Variants in ROR2 observed in about 807,000 individuals in gnomAD.
The protein encoded by ROR2 is tyrosine-protein kinase transmembrane receptor ROR2.
ROR2 carries 33 observed loss-of-function variants against 74.9 expected under a neutral mutation model. The ratio of observed to expected loss-of-function variants is 0.44; its 90% CI spans 0.33 to 0.59. The LOEUF is 0.59. ROR2 is among the 20% of genes least tolerant of loss of function. ROR2 has a pLI of 0.02. For missense variants in ROR2, 1,216 were observed against 1,313.8 expected (o/e 0.93, Z 1.15); for synonymous variants, 586 against 558.7 (o/e 1.05, Z -0.69).
intron 1 of ROR2, among the ~76,000 whole-genome samples, chr9:91,829,653 G>C (rs1277006207): frequency 6.6e-6 from 1 of 150,930 alleles, no homozygotes; most frequent in East Asian, 2.0e-4. Context: ...GGGAAAGAAA[G>C]TTGTAAATAA....
chr9:91,904,714 T>G (rs1231628621), intron 1 of ROR2, among the ~76,000 whole-genome samples: 1 of 152,176 alleles, frequency 6.6e-6, no homozygotes, highest in African/African-American at 2.4e-5. Flanking sequence ...CCCAGCGCCC[T>G]GGCTCCTACG....
intron 2 of ROR2, among the ~76,000 whole-genome samples, chr9:91,767,999 A>T (rs923713587): frequency 1.3e-5 from 2 of 152,194 alleles, no homozygotes; most frequent in African/African-American, 2.4e-5. Flanking sequence ...TAATCCAACA[A>T]CACTGTCCTT....
intron 1 of ROR2, among the ~76,000 whole-genome samples, chr9:91,854,670 T>A (rs1829220793): frequency 6.6e-6 from 1 of 151,842 alleles, no homozygotes; most frequent in African/African-American, 2.4e-5. Flanking sequence ...GGCCCTGGAG[T>A]CTCCGCTGCC....
At chr9:91,746,034 G>C (rs1825399725) in intron 4 of ROR2, among the ~76,000 whole-genome samples, 1 of 152,058 alleles carries the variant, frequency 6.6e-6, no homozygotes, top group Non-Finnish European at 1.5e-5. Flanking sequence ...TTTTGCCTGA[G>C]TTTGTCAGCA....
intron 1 of ROR2, among the ~76,000 whole-genome samples, chr9:91,913,044 G>A (rs918139971): frequency 2.6e-5 from 4 of 152,234 alleles, no homozygotes; most frequent in South Asian, 2.1e-4. Flanking sequence ...CAGGAGAATC[G>A]CTTGAACCCG....
chr9:91,902,460 GA>G (rs2119437459), intron 1 of ROR2, among the ~76,000 whole-genome samples: 1 of 152,086 alleles, frequency 6.6e-6, no homozygotes, highest in Admixed American at 6.5e-5. Flanking sequence ...GGCCCCTACT[GA>G]AAACAGATCT....
intron 5 of ROR2, 69 bp downstream of exon 5, chr9:91,737,322 G>T: frequency 6.3e-7 from 1 of 1,599,812 alleles, no homozygotes; most frequent in East Asian, 2.2e-5. Flanking sequence ...AAACACAGTG[G>T]CCACCATCTG....
intron 1 of ROR2, among the ~76,000 whole-genome samples, chr9:91,811,536 C>A (rs1213233420): frequency 1.3e-5 from 2 of 152,188 alleles, no homozygotes; most frequent in African/African-American, 2.4e-5. Flanking sequence ...GAAGGGCTGG[C>A]CAATTCCTAG....
Position 91,746,062 on chromosome 9 carries a change from TTTTG to T in ROR2, c.495-8548_495-8545del, listed in dbSNP as rs561331167. ...TGTCAGCAATAAGGTGGCTTGGTTT[TTTTG>T]TTTGTTTATTTATTTATTTATTTTT... On this transcript the variant is annotated intron_variant, in intron 4 of 8. Transcript: ENST00000375708. 1.0e-2 allele frequency among the ~76,000 whole-genome samples: 1,519 copies of T among 152,132 alleles called. 13 individuals are homozygous for T. The highest frequency in any genetic ancestry group is 0.016 in the Non-Finnish European group (1,098 of 67,988).
intron 1 of ROR2, among the ~76,000 whole-genome samples, chr9:91,878,065 C>T (rs370637884): frequency 1.3e-3 from 192 of 148,708 alleles, no homozygotes; most frequent in African/African-American, 4.8e-3. Context: ...GGACCCAGTA[C>T]TGGCTCTGGC....
chr9:91,811,392 G>A (rs963026855), intron 1 of ROR2, among the ~76,000 whole-genome samples: 4 of 152,222 alleles, frequency 2.6e-5, no homozygotes, highest in Non-Finnish European at 5.9e-5. Flanking sequence ...CCGCCCCAGC[G>A]CTTCTCCAGT....
chr9:91,827,161 C>T (rs1828321967), intron 1 of ROR2, among the ~76,000 whole-genome samples: 1 of 151,906 alleles, frequency 6.6e-6, no homozygotes, highest in African/African-American at 2.4e-5. Flanking sequence ...GTTATATTGC[C>T]CCCTAACTAT....
chr9:91,919,999 T>C (rs1203171063), intron 1 of ROR2, among the ~76,000 whole-genome samples: 1 of 152,212 alleles, frequency 6.6e-6, no homozygotes. Flanking sequence ...CCAGGCTCCC[T>C]TGACCCCCTC....
chr9:91,916,328 A>C (rs555347304), intron 1 of ROR2, among the ~76,000 whole-genome samples: 68 of 147,812 alleles, frequency 4.6e-4, no homozygotes, highest in African/African-American at 1.7e-3. Context: ...TATTTTGTTC[A>C]GGTGATGCTC....
chr9:91,941,058 C>A (rs548090609), intron 1 of ROR2, among the ~76,000 whole-genome samples: 1 of 144,742 alleles, frequency 6.9e-6, no homozygotes, highest in Admixed American at 7.1e-5. Flanking sequence ...ACTGCCATGG[C>A]GCTATCTCGG....
chr9:91,895,640 T>A (rs956250373), intron 1 of ROR2, among the ~76,000 whole-genome samples: 2 of 152,238 alleles, frequency 1.3e-5, no homozygotes, highest in African/African-American at 4.8e-5. Flanking sequence ...GGTCAGGAGT[T>A]CAAGACCAGC....
At chr9:91,769,312 C>T (rs951174863) in intron 2 of ROR2, among the ~76,000 whole-genome samples, 2 of 152,166 alleles carry the variant, frequency 1.3e-5, no homozygotes, top group African/African-American at 4.8e-5. Context: ...AAAGGAGTTT[C>T]TAGCTCCAGC....
intron 4 of ROR2, among the ~76,000 whole-genome samples, chr9:91,741,266 C>T (rs184712211): frequency 5.9e-5 from 9 of 151,308 alleles, no homozygotes; most frequent in South Asian, 2.1e-4. Context: ...TGCCACTGCA[C>T]TCCAGCCTGG....
intron 1 of ROR2, among the ~76,000 whole-genome samples, chr9:91,847,562 C>A (rs1397256359): frequency 6.6e-6 from 1 of 152,224 alleles, no homozygotes; most frequent in Non-Finnish European, 1.5e-5. Context: ...CCAGCTCATA[C>A]AGCAACAGTT....
Sources: allele counts gnomAD v4.1 joint callset (sites outside exome capture counted in the v4.1 genomes callset), GRCh38; gene constraint gnomAD v4.1.1; transcripts MANE v1.5; gene names NCBI Gene and HGNC (gene_info 2026-07-23, HGNC 2026-07-21).